CNTN1: variants seen among roughly 807,000 people sequenced by gnomAD.
The protein encoded by CNTN1 is contactin 1, also known as contactin-1.
In CNTN1, 38 loss-of-function variants were observed where a neutral mutation model predicts 126.4. The ratio of observed to expected loss-of-function variants is 0.30; its 90% CI spans 0.23 to 0.39. The LOEUF (loss-of-function observed/expected upper bound fraction) is 0.39, where lower values mean the gene tolerates loss of function less well. CNTN1 is among the 10% of genes least tolerant of loss of function. The probability of loss-of-function intolerance (pLI) is 1.00; values close to 1 mark genes in which losing one functional copy is unlikely to be tolerated. For missense variants in CNTN1, 1,009 were observed against 1,248.4 expected (o/e 0.81, Z 2.89); for synonymous variants, 413 against 422.6 (o/e 0.98, Z 0.28).
At chr12:40,723,518 G>A (rs1942273067) in intron 1 of CNTN1, among the ~76,000 whole-genome samples, 1 of 152,132 alleles carries the variant, frequency 6.6e-6, no homozygotes, top group Non-Finnish European at 1.5e-5. Flanking sequence ...TGATTTTTGA[G>A]CTTTGAAAGA....
At chr12:41,014,115 A>T in intron 17 of CNTN1, 113 bp from the exon 18 acceptor site, 2 of 889,100 alleles carry the variant, frequency 2.2e-6, no homozygotes, top group Non-Finnish European at 3.6e-6. Flanking sequence ...TGTTTTTCCT[A>T]GTAAAAGAAA....
At chr12:41,001,671 C>T (rs1434412153) in intron 17 of CNTN1, among the ~76,000 whole-genome samples, 1 of 152,042 alleles carries the variant, frequency 6.6e-6, no homozygotes, top group Non-Finnish European at 1.5e-5. Flanking sequence ...AAATCTTTGC[C>T]CATTCCTATC....
chr12:40,892,787 A>G (rs1944285151), intron 1 of CNTN1, among the ~76,000 whole-genome samples: 1 of 152,060 alleles, frequency 6.6e-6, no homozygotes, highest in South Asian at 2.1e-4. Flanking sequence ...ATCTCATTAT[A>G]CAATGTATGT....
At chr12:40,986,518 C>T (rs759727712) in intron 16 of CNTN1, among the ~76,000 whole-genome samples, 1 of 152,224 alleles carries the variant, frequency 6.6e-6, no homozygotes, top group East Asian at 1.9e-4. Flanking sequence ...TATCAGATTT[C>T]GGCAGACTCT....
chr12:40,838,991 A>G (rs1283705991), intron 1 of CNTN1, among the ~76,000 whole-genome samples: 2 of 152,214 alleles, frequency 1.3e-5, no homozygotes, highest in African/African-American at 2.4e-5. Flanking sequence ...AGTGAAACAC[A>G]AGAGAAGTCT....
intron 2 of CNTN1, among the ~76,000 whole-genome samples, chr12:40,909,388 A>G (rs1218184146): frequency 3.3e-5 from 5 of 152,032 alleles, no homozygotes; most frequent in Middle Eastern, 3.4e-3. Context: ...TTATGAAAGT[A>G]TTAGAAAAAT....
chr12:40,973,722 G>A (rs922177485), intron 15 of CNTN1, among the ~76,000 whole-genome samples: 1 of 152,174 alleles, frequency 6.6e-6, no homozygotes, highest in South Asian at 2.1e-4. Context: ...GTTTTGGGGG[G>A]TTTATTTCCA....
At chr12:40,941,094 T>C (rs963677555) in intron 12 of CNTN1, among the ~76,000 whole-genome samples, 2 of 152,192 alleles carry the variant, frequency 1.3e-5, no homozygotes, top group African/African-American at 2.4e-5. Context: ...TAAATATCAA[T>C]ATGTGTTCAA....
At chr12:40,770,331 G>A (rs1939288559) in intron 1 of CNTN1, among the ~76,000 whole-genome samples, 1 of 152,048 alleles carries the variant, frequency 6.6e-6, no homozygotes, top group Non-Finnish European at 1.5e-5. Flanking sequence ...ATTTTCAGAG[G>A]AAATCATTAA....
At chr12:40,712,551 C>T (rs2121170515) in intron 1 of CNTN1, among the ~76,000 whole-genome samples, 1 of 152,152 alleles carries the variant, frequency 6.6e-6, no homozygotes. Context: ...GAGATCTGAG[C>T]AGAGTTGAAC....
chr12:40,887,065 C>T (rs1029495386), intron 1 of CNTN1, among the ~76,000 whole-genome samples: 2 of 151,890 alleles, frequency 1.3e-5, no homozygotes, highest in African/African-American at 4.8e-5. Context: ...TTTTTTGGTT[C>T]CATATGAACT....
intron 1 of CNTN1, among the ~76,000 whole-genome samples, chr12:40,888,986 C>G (rs1193095655): frequency 1.3e-5 from 2 of 152,240 alleles, no homozygotes; most frequent in African/African-American, 4.8e-5. Flanking sequence ...GCGTTCAGGC[C>G]TGTGCCAGGG....
intron 1 of CNTN1, among the ~76,000 whole-genome samples, chr12:40,706,241 T>TA (rs1446644809): frequency 6.6e-6 from 1 of 151,572 alleles, no homozygotes; most frequent in Non-Finnish European, 1.5e-5. Flanking sequence ...ACATTAGGTA[T>TA]ATCTCCTAAT....
intron 1 of CNTN1, among the ~76,000 whole-genome samples, chr12:40,814,951 A>C (rs1360687715): frequency 6.6e-6 from 1 of 151,890 alleles, no homozygotes; most frequent in Non-Finnish European, 1.5e-5. Context: ...ATTTTCTTTG[A>C]AGCAATTGTG....
At chr12:40,999,616 CT>C (rs1487653514) in intron 17 of CNTN1, among the ~76,000 whole-genome samples, 1 of 150,974 alleles carries the variant, frequency 6.6e-6, no homozygotes, top group East Asian at 1.9e-4. Context: ...ACATTCAAAG[CT>C]AAATGAGAGA....
chr12:41,044,998 C>A (rs1592454216), intron 23 of CNTN1, among the ~76,000 whole-genome samples: 1 of 151,904 alleles, frequency 6.6e-6, no homozygotes, highest in African/African-American at 2.4e-5. Flanking sequence ...AATGGATAAT[C>A]TTTTACAATG....
At chr12:41,050,163 G>A (rs955076847) in intron 23 of CNTN1, among the ~76,000 whole-genome samples, 1 of 152,158 alleles carries the variant, frequency 6.6e-6, no homozygotes, top group African/African-American at 2.4e-5. Flanking sequence ...GCCTCCCAAA[G>A]TGCTGGGATT....
At chr12:40,903,350 A>C (rs1324457331) in intron 1 of CNTN1, among the ~76,000 whole-genome samples, 1 of 150,060 alleles carries the variant, frequency 6.7e-6, no homozygotes, top group Non-Finnish European at 1.5e-5. Context: ...AGAAGAAACA[A>C]GTCTGCTCCT....
In CNTN1 at chr12:41,070,218, A is replaced by C. The variant is rs1249324782; in HGVS notation, c.*183A>C. On this transcript the variant is annotated 3_prime_UTR_variant, in exon 24 of 24. Coordinates refer to ENST00000551295, the MANE Select transcript of CNTN1 (RefSeq NM_001843.4). ...AGGCATTCGGGAACCCCTTCATCCAAAAGAATAAACTTTTAAATGGATATA... is the reference window on the plus strand; with the variant it reads ...AGGCATTCGGGAACCCCTTCATCCACAAGAATAAACTTTTAAATGGATATA... 1.6e-6 allele frequency: 1 copy of C among 638,558 alleles called. No homozygotes were observed. Among genetic ancestry groups the C allele is most frequent in the East Asian group, 2.8e-5 (1 of 36,128 alleles). The allele number at this position is 638,558 out of a possible 1,614,324, so 39.6% of individuals were successfully genotyped here.
Sources: allele counts gnomAD v4.1 joint callset (sites outside exome capture counted in the v4.1 genomes callset), GRCh38; gene constraint gnomAD v4.1.1; transcripts MANE v1.5; gene names NCBI Gene and HGNC (gene_info 2026-07-23, HGNC 2026-07-21).